Variants in CDH22 observed in about 807,000 individuals in gnomAD.
The protein encoded by CDH22 is cadherin 22.
A neutral mutation model predicts 58.4 loss-of-function variants in CDH22; 30 were observed. The observed-to-expected ratio is 0.51, with a 90% CI of 0.38 to 0.70. The LOEUF is 0.70. Ranked by LOEUF, CDH22 falls within the 30% of genes least tolerant of loss-of-function variation. CDH22 has a pLI of 0.00. For synonymous variants in CDH22, 513 were observed against 558.2 expected (o/e 0.92, Z 1.14); for missense variants, 1,014 against 1,233.9 (o/e 0.82, Z 2.67).
At chr20:46,188,913 C>T (rs1467317000) in intron 8 of CDH22, among the ~76,000 whole-genome samples, 2 of 152,116 alleles carry the variant, frequency 1.3e-5, no homozygotes, top group East Asian at 3.9e-4. Context: ...GGCTCTCTGG[C>T]TGGGCTGGCA....
intron 1 of CDH22, among the ~76,000 whole-genome samples, chr20:46,293,237 T>C (rs1174204378): frequency 6.6e-6 from 1 of 152,124 alleles, no homozygotes; most frequent in East Asian, 1.9e-4. Context: ...CACCCACACA[T>C]TCTGTGGACT....
chr20:46,235,593 C>A (rs985366779), intron 3 of CDH22, among the ~76,000 whole-genome samples: 8 of 152,136 alleles, frequency 5.3e-5, no homozygotes, highest in African/African-American at 1.9e-4. Context: ...TGGAGCAGTC[C>A]CCATCTCAGC....
At position 46,251,139 on chromosome 20, in the gene CDH22, G is replaced by A. The variant is rs1202612582; in HGVS notation, c.156C>T (p.Asp52=). The A allele has an allele frequency of 1.2e-6, 2 of 1,601,032 alleles. No individual in the cohort carries two copies. Among genetic ancestry groups the A allele is most frequent in the African/African-American group, 2.7e-5 (2 of 73,154 alleles). Residue 52 remains aspartate, a synonymous_variant, in exon 2 of 12, where the codon GAC becomes GAT. Transcript: ENST00000537909. This position sits in a 1 kb window ranked among gnomAD's most constrained non-coding sequence, Gnocchi z 6.7. Reference sequence around the variant, plus strand: ...TGACGCGGCCGGCTCCCAGCGCGCCGTCCTGCCGAGCTCCGGGCGCCGACG... The same window carrying A: ...TGACGCGGCCGGCTCCCAGCGCGCCATCCTGCCGAGCTCCGGGCGCCGACG... ...PSPSAPGARQ[D]GALGAGRVKR...
chr20:46,280,142 G>C (rs1028828991), intron 1 of CDH22, among the ~76,000 whole-genome samples: 1 of 152,172 alleles, frequency 6.6e-6, no homozygotes, highest in African/African-American at 2.4e-5. Context: ...ACAACAGCCC[G>C]GGTGCGGTAG....
At chr20:46,204,506 C>G (rs891893798) in intron 7 of CDH22, among the ~76,000 whole-genome samples, 1 of 151,162 alleles carries the variant, frequency 6.6e-6, no homozygotes, top group African/African-American at 2.4e-5. Context: ...TAAGATGGTT[C>G]TTGGTGTACA....
At chr20:46,293,446 T>G (rs569660820) in intron 1 of CDH22, among the ~76,000 whole-genome samples, 1 of 152,140 alleles carries the variant, frequency 6.6e-6, no homozygotes, top group East Asian at 1.9e-4. Flanking sequence ...GGAACCTATG[T>G]TTTTCATGTT....
chr20:46,267,320 G>A (rs1056316433), intron 1 of CDH22, among the ~76,000 whole-genome samples: 1 of 152,214 alleles, frequency 6.6e-6, no homozygotes, highest in Non-Finnish European at 1.5e-5. Flanking sequence ...CCAGCCCCGA[G>A]CCAACTGCTA....
intron 1 of CDH22, among the ~76,000 whole-genome samples, chr20:46,279,612 T>A (rs1345558707): frequency 1.3e-5 from 2 of 152,172 alleles, no homozygotes; most frequent in African/African-American, 4.8e-5. Context: ...ATATAATGTA[T>A]GCTAAAGTCT....
intron 8 of CDH22, among the ~76,000 whole-genome samples, chr20:46,195,492 T>A (rs2085892765): frequency 1.3e-5 from 2 of 152,214 alleles, no homozygotes; most frequent in Non-Finnish European, 2.9e-5. Context: ...CCCTTTGCTG[T>A]CCTGGACATC....
At chr20:46,175,554 A>G (rs144444587) in intron 11 of CDH22, among the ~76,000 whole-genome samples, 2 of 152,176 alleles carry the variant, frequency 1.3e-5, no homozygotes, top group South Asian at 2.1e-4. Context: ...CTCCTACTCA[A>G]TCCTTTGGTT....
intron 10 of CDH22, among the ~76,000 whole-genome samples, chr20:46,178,451 C>G (rs2085757719): frequency 6.6e-6 from 1 of 152,082 alleles, no homozygotes; most frequent in South Asian, 2.1e-4. Flanking sequence ...CCCATGTAGC[C>G]CACAATTCTG....
chr20:46,292,402 G>A (rs1207499395), intron 1 of CDH22, among the ~76,000 whole-genome samples: 1 of 152,206 alleles, frequency 6.6e-6, no homozygotes, highest in Non-Finnish European at 1.5e-5. Context: ...AAACAGACCA[G>A]ATTTCAAATC....
intron 1 of CDH22, among the ~76,000 whole-genome samples, chr20:46,272,608 G>C (rs928215443): frequency 1.2e-4 from 19 of 152,206 alleles, no homozygotes; most frequent in Non-Finnish European, 2.1e-4. Context: ...CCAAGAGACT[G>C]TCATGGAAAC....
At chr20:46,272,465 T>C (rs1400257739) in intron 1 of CDH22, among the ~76,000 whole-genome samples, 1 of 152,136 alleles carries the variant, frequency 6.6e-6, no homozygotes, top group Non-Finnish European at 1.5e-5. Context: ...AGGAAATGAA[T>C]GAGATCACCT....
intron 4 of CDH22, among the ~76,000 whole-genome samples, chr20:46,223,817 T>TTC (rs2086151133): frequency 2.9e-5 from 4 of 138,070 alleles, no homozygotes; most frequent in African/African-American, 5.6e-5. Context: ...TTTCTTCCTT[T>TTC]CTTCCTTCCT....
intron 1 of CDH22, among the ~76,000 whole-genome samples, chr20:46,264,580 C>CCCAA (rs1941421785): frequency 6.6e-6 from 1 of 152,030 alleles, no homozygotes. Context: ...GAGGGACTTG[C>CCCAA]CCAAGGTCAC....
chr20:46,250,909 C>T (rs1385033202), intron 2 of CDH22, 131 bp downstream of exon 2: 1 of 608,240 alleles, frequency 1.6e-6, no homozygotes, highest in Non-Finnish European at 2.9e-6. Flanking sequence ...CCTTATCAGT[C>T]CTTGGCTAGG....
chr20:46,179,785 C>T (rs1464521116), intron 10 of CDH22, among the ~76,000 whole-genome samples: 1 of 152,150 alleles, frequency 6.6e-6, no homozygotes, highest in Non-Finnish European at 1.5e-5. Flanking sequence ...GAAAAGTTCC[C>T]AGCCCATAGA....
At chr20:46,268,916 A>G (rs1223570455) in intron 1 of CDH22, among the ~76,000 whole-genome samples, 1 of 151,726 alleles carries the variant, frequency 6.6e-6, no homozygotes, top group South Asian at 2.1e-4. Context: ...ACTCTGGCAT[A>G]CTCCTTCTTT....
Sources: gnomAD v4.1 joint callset for allele counts (sites outside exome capture counted in the v4.1 genomes callset) on GRCh38, gnomAD v4.1.1 for gene constraint, Gnocchi (gnomAD v3.1) non-coding constraint, MANE v1.5 for transcripts, NCBI Gene and HGNC (gene_info 2026-07-23, HGNC 2026-07-21) for gene names.